HS3ST4: variants seen among roughly 807,000 people sequenced by gnomAD.
HS3ST4 encodes the protein heparan sulfate glucosamine 3-O-sulfotransferase 4.
A neutral mutation model predicts 29.2 loss-of-function variants in HS3ST4; 17 were observed. The ratio of observed to expected loss-of-function variants is 0.58; its 90% CI spans 0.40 to 0.87. The LOEUF (loss-of-function observed/expected upper bound fraction) is 0.87, where lower values mean the gene tolerates loss of function less well. Ranked by LOEUF, HS3ST4 falls within the 40% of genes least tolerant of loss-of-function variation. The pLI is 0.00. For synonymous variants in HS3ST4, 314 were observed against 285.7 expected, an observed-to-expected ratio of 1.10 and a Z score of -1.00; for missense variants, 627 against 634.5, an observed-to-expected ratio of 0.99 and a Z score of 0.13.
At chr16:25,932,793 G>C (rs918235771) in intron 1 of HS3ST4, among the ~76,000 whole-genome samples, 9 of 152,192 alleles carry the variant, frequency 5.9e-5, no homozygotes, top group Admixed American at 5.9e-4. Context: ...ACTTCTTCCA[G>C]GCAAAGCAGC....
chr16:25,963,898 GAGGTGGCTCACACTGTAATCTC>G (rs1331723088), intron 1 of HS3ST4, among the ~76,000 whole-genome samples: 6 of 152,036 alleles, frequency 3.9e-5, no homozygotes, highest in Non-Finnish European at 7.4e-5. Context: ...AAGGCTGGGC[GAGGTGGCTCACACTGTAATCTC>G]AGTGCTTTGG....
chr16:25,920,449 T>C (rs1339939081), intron 1 of HS3ST4, among the ~76,000 whole-genome samples: 2 of 152,140 alleles, frequency 1.3e-5, no homozygotes, highest in African/African-American at 2.4e-5. Context: ...TGCTTCATTC[T>C]TCAGAAGAAT....
chr16:26,034,156 T>G (rs1327117271), intron 1 of HS3ST4, among the ~76,000 whole-genome samples: 1 of 152,034 alleles, frequency 6.6e-6, no homozygotes, highest in Non-Finnish European at 1.5e-5. Context: ...CTGACATCCA[T>G]AGGTTCCTGG....
chr16:26,103,531 T>C (rs1315021238), intron 1 of HS3ST4, among the ~76,000 whole-genome samples: 2 of 152,180 alleles, frequency 1.3e-5, no homozygotes, highest in Admixed American at 1.3e-4. Context: ...GGTTAGGAAG[T>C]ACTTGTCCAC....
chr16:25,979,117 G>A (rs578163929), intron 1 of HS3ST4, among the ~76,000 whole-genome samples: 16 of 152,044 alleles, frequency 1.1e-4, no homozygotes, highest in African/African-American at 3.6e-4. Context: ...GGCTGGTCTC[G>A]AACTCCGGAC....
At chr16:26,014,439 C>T (rs1055283353) in intron 1 of HS3ST4, among the ~76,000 whole-genome samples, 1 of 152,166 alleles carries the variant, frequency 6.6e-6, no homozygotes, top group Admixed American at 6.5e-5. Flanking sequence ...TATTTCATCA[C>T]CCAGGTTATA....
At chr16:26,078,991 G>A (rs1352650155) in intron 1 of HS3ST4, among the ~76,000 whole-genome samples, 4 of 152,180 alleles carry the variant, frequency 2.6e-5, no homozygotes, top group African/African-American at 9.6e-5. Flanking sequence ...AAATGAGAAC[G>A]GAACAGTAGG....
chr16:25,769,312 T>C (rs774034269), intron 1 of HS3ST4, among the ~76,000 whole-genome samples: 2 of 151,992 alleles, frequency 1.3e-5, no homozygotes, highest in Non-Finnish European at 2.9e-5. Flanking sequence ...GGAGGTTTGA[T>C]CTTTCTCACC....
intron 1 of HS3ST4, among the ~76,000 whole-genome samples, chr16:25,983,630 T>G (rs1969031496): frequency 6.6e-6 from 1 of 152,236 alleles, no homozygotes; most frequent in Non-Finnish European, 1.5e-5. Flanking sequence ...GGAGGCCAGA[T>G]TCAACTGTGT....
At chr16:26,129,548 G>A (rs1354022965) in intron 1 of HS3ST4, among the ~76,000 whole-genome samples, 2 of 152,180 alleles carry the variant, frequency 1.3e-5, no homozygotes, top group Non-Finnish European at 2.9e-5. Flanking sequence ...ACTGCATTGA[G>A]AACTTACTCT....
At chr16:25,775,262 G>A (rs938271593) in intron 1 of HS3ST4, among the ~76,000 whole-genome samples, 2 of 152,188 alleles carry the variant, frequency 1.3e-5, no homozygotes, top group Non-Finnish European at 2.9e-5. Flanking sequence ...TGGACAATAA[G>A]TGTTGTTGGC....
At chr16:25,860,616 A>G (rs558551562) in intron 1 of HS3ST4, among the ~76,000 whole-genome samples, 17 of 152,324 alleles carry the variant, frequency 1.1e-4, no homozygotes, top group Non-Finnish European at 1.9e-4. Context: ...AAGGAAGCCT[A>G]TCTAAGGCTA....
At chr16:26,099,894 A>G (rs1898971759) in intron 1 of HS3ST4, among the ~76,000 whole-genome samples, 1 of 152,006 alleles carries the variant, frequency 6.6e-6, no homozygotes, top group Admixed American at 6.6e-5. Flanking sequence ...AGGATTTTAG[A>G]TTAAGGATTT....
chr16:26,054,312 AAGAAGAAGAAGAAGAAG>A (rs370104619), intron 1 of HS3ST4, among the ~76,000 whole-genome samples: 2 of 143,396 alleles, frequency 1.4e-5, no homozygotes, highest in East Asian at 2.0e-4. Flanking sequence ...GAGGAGGAGG[AAGAAGAAGAAGAAGAAG>A]AGAAGAAGAA....
Position 25,853,312 on chromosome 16 carries a change from GTATA to G in HS3ST4, c.734+160177_734+160180del, listed in dbSNP as rs57953638. Reference sequence around the variant, plus strand: ...TCTTTGTGAGTGTGTGTGTGTGTGTGTATATATATATATATATATTCCTCTGCAA... The same window carrying G: ...TCTTTGTGAGTGTGTGTGTGTGTGTGTATATATATATATATTCCTCTGCAA... On this transcript the variant is annotated intron_variant, in intron 1 of 1. Transcript: ENST00000331351. Among the ~76,000 whole-genome samples the G allele has an allele frequency of 7.1e-3, 646 of 91,582 alleles. 1 individual carries two copies. Among genetic ancestry groups the G allele is most frequent in the Admixed American group, 7.1e-3 (56 of 7,880 alleles). 60.1% of individuals were successfully genotyped at this position (91,582 alleles called of 152,430 possible). A position where few individuals can be genotyped will look rare whatever the true frequency, so the allele number is the denominator to read the frequency against.
At chr16:25,793,464 A>G (rs1028797322) in intron 1 of HS3ST4, among the ~76,000 whole-genome samples, 2 of 151,910 alleles carry the variant, frequency 1.3e-5, no homozygotes, top group Non-Finnish European at 2.9e-5. Context: ...GTGACATGTT[A>G]TTAGTTGCAG....
intron 1 of HS3ST4, among the ~76,000 whole-genome samples, chr16:25,817,371 A>G (rs993509594): frequency 6.6e-6 from 1 of 152,258 alleles, no homozygotes; most frequent in Admixed American, 6.5e-5. Context: ...AGGGCCAGAT[A>G]GGAAGTGTTT....
At chr16:25,838,233 T>C (rs916049128) in intron 1 of HS3ST4, among the ~76,000 whole-genome samples, 1 of 152,236 alleles carries the variant, frequency 6.6e-6, no homozygotes. Context: ...CTACATCAAG[T>C]TTGCTAAAAG....
intron 1 of HS3ST4, among the ~76,000 whole-genome samples, chr16:25,935,904 G>A (rs555470879): frequency 4.5e-5 from 6 of 133,120 alleles, no homozygotes; most frequent in Admixed American, 8.1e-5. Flanking sequence ...AGTATACTGA[G>A]ATACTAGACT....
Sources: gnomAD v4.1 joint callset for allele counts (sites outside exome capture counted in the v4.1 genomes callset) on GRCh38, gnomAD v4.1.1 for gene constraint, MANE v1.5 for transcripts, NCBI Gene and HGNC (gene_info 2026-07-23, HGNC 2026-07-21) for gene names.